The following SH3RF2 variants were observed in gnomAD, a reference collection of about 807,000 sequenced individuals.
SH3RF2 encodes the protein SH3 domain containing ring finger 2, also known as E3 ubiquitin-protein ligase SH3RF2.
SH3RF2 carries 43 observed loss-of-function variants against 59.0 expected under a neutral mutation model. That is an observed-to-expected ratio of 0.73 (90% CI 0.57 to 0.94). The LOEUF (loss-of-function observed/expected upper bound fraction) is 0.94, where lower values mean the gene tolerates loss of function less well. SH3RF2 is among the 40% of genes least tolerant of loss of function. The pLI, the probability that SH3RF2 is intolerant of heterozygous loss-of-function variation, is 0.00. For synonymous variants in SH3RF2, 391 were observed against 391.5 expected, an observed-to-expected ratio of 1.00 and a Z score of 0.01; for missense variants, 930 against 940.1, an observed-to-expected ratio of 0.99 and a Z score of 0.14.
downstream of SH3RF2, among the ~76,000 whole-genome samples, chr5:146,064,784 G>A (rs1383013111): frequency 2.0e-3 from 77 of 37,680 alleles, 5 homozygotes; most frequent in African/African-American, 8.4e-3. Context: ...GGAAAGGAAG[G>A]AAGGAAGGAA....
intron 2 of SH3RF2, among the ~76,000 whole-genome samples, chr5:145,976,443 GAA>G (rs113776416): frequency 1.4e-5 from 2 of 138,608 alleles, no homozygotes; most frequent in Admixed American, 7.2e-5. Flanking sequence ...AATTAAGAAG[GAA>G]AAAAAAAAAA....
At chr5:146,047,703 C>A in intron 5 of SH3RF2, 69 bp from the exon 6 acceptor site, 1 of 1,448,978 alleles carries the variant, frequency 6.9e-7, no homozygotes, top group Non-Finnish European at 9.6e-7. Context: ...TACGTAGCTG[C>A]TCTGTTTGCT....
chr5:146,063,859 A>AAAAAAAG (rs1407073407), downstream of SH3RF2, among the ~76,000 whole-genome samples: 2 of 151,080 alleles, frequency 1.3e-5, no homozygotes, highest in Admixed American at 6.6e-5. Context: ...GATTCTGTCT[A>AAAAAAAG]AAAAAAGAAA....
intron 9 of SH3RF2, among the ~76,000 whole-genome samples, chr5:146,070,567 G>A (rs1561776248): frequency 6.6e-6 from 1 of 152,142 alleles, no homozygotes; most frequent in Non-Finnish European, 1.5e-5. Context: ...GCATTCCCCA[G>A]GTCACTCTCT....
intron 2 of SH3RF2, among the ~76,000 whole-genome samples, chr5:145,972,688 C>T (rs1759134911): frequency 1.3e-5 from 2 of 152,184 alleles, no homozygotes; most frequent in Non-Finnish European, 2.9e-5. Flanking sequence ...GAGGTGATTG[C>T]TCCTTTATCC....
intron 5 of SH3RF2, among the ~76,000 whole-genome samples, chr5:146,034,254 C>G (rs73793811): frequency 0.017 from 2,598 of 152,296 alleles, 71 homozygotes; most frequent in African/African-American, 0.057. Flanking sequence ...GCATTAATTG[C>G]CCAAACAGCC....
intron 5 of SH3RF2, among the ~76,000 whole-genome samples, chr5:146,047,079 A>G (rs1762330252): frequency 6.6e-6 from 1 of 152,002 alleles, no homozygotes; most frequent in Admixed American, 6.6e-5. Context: ...TTATCATTTT[A>G]TCATTATTGT....
intron 3 of SH3RF2, among the ~76,000 whole-genome samples, chr5:146,001,232 T>C (rs1760395355): frequency 6.6e-6 from 1 of 152,248 alleles, no homozygotes; most frequent in Non-Finnish European, 1.5e-5. Flanking sequence ...CCATAAACAT[T>C]CACATCTCTC....
chr5:146,040,937 T>C (rs1762102464), intron 5 of SH3RF2, among the ~76,000 whole-genome samples: 1 of 152,202 alleles, frequency 6.6e-6, no homozygotes, highest in African/African-American at 2.4e-5. Context: ...CCTGCAGACC[T>C]ATTCCATATT....
intron 5 of SH3RF2, among the ~76,000 whole-genome samples, chr5:146,023,986 C>T (rs1761432031): frequency 6.6e-6 from 1 of 152,152 alleles, no homozygotes; most frequent in Admixed American, 6.5e-5. Flanking sequence ...GAATATACCA[C>T]ATTTTGTTTA....
At chr5:146,047,497 G>T (rs554567364) in intron 5 of SH3RF2, among the ~76,000 whole-genome samples, 1 of 152,058 alleles carries the variant, frequency 6.6e-6, no homozygotes, top group Non-Finnish European at 1.5e-5. Flanking sequence ...GTGCCCTGTG[G>T]ACTGTAAATT....
chr5:146,074,725 C>T (rs1453948300), intron 9 of SH3RF2, among the ~76,000 whole-genome samples: 1 of 152,074 alleles, frequency 6.6e-6, no homozygotes, highest in Non-Finnish European at 1.5e-5. Context: ...TCAGAAAATA[C>T]TTATTACTAG....
intron 3 of SH3RF2, among the ~76,000 whole-genome samples, chr5:146,002,513 G>GAAGGAAGA (rs1760464478): frequency 4.0e-5 from 6 of 150,630 alleles, no homozygotes; most frequent in African/African-American, 1.5e-4. Context: ...AGGAAGGAAG[G>GAAGGAAGA]AAGGAAGGAA....
intron 5 of SH3RF2, among the ~76,000 whole-genome samples, chr5:146,025,968 C>G (rs1375748190): frequency 6.6e-6 from 1 of 152,224 alleles, no homozygotes; most frequent in Non-Finnish European, 1.5e-5. Context: ...ATTACCTTCC[C>G]CCTCTTTCCT....
intron 6 of SH3RF2, 136 bp downstream of exon 6, chr5:146,047,999 C>A: frequency 1.2e-6 from 1 of 810,186 alleles, no homozygotes; most frequent in Non-Finnish European, 2.0e-6. Flanking sequence ...TTACCACTTC[C>A]AAGTGAAATA....
downstream of SH3RF2, among the ~76,000 whole-genome samples, chr5:146,064,662 AAG>A (rs369622553): frequency 0.069 from 347 of 5,020 alleles, 24 homozygotes; most frequent in East Asian, 0.19. Context: ...GAGAGAGAGA[AAG>A]AGAAAGAAAG....
chr5:146,004,452 G>T (rs990711350), intron 4 of SH3RF2, among the ~76,000 whole-genome samples: 21 of 152,234 alleles, frequency 1.4e-4, no homozygotes, highest in Middle Eastern at 3.4e-3. Flanking sequence ...GTCCATCTGG[G>T]AGTTTATTGT....
chr5:145,937,774 T>C, intron 1 of SH3RF2, 49 bp from the exon 2 acceptor site: 1 of 842,468 alleles, frequency 1.2e-6, no homozygotes, highest in African/African-American at 1.7e-5. Flanking sequence ...GGGATATACC[T>C]CTCGGAGCAG....
At chr5:145,963,965 T>G (rs746281471) in intron 2 of SH3RF2, among the ~76,000 whole-genome samples, 34 of 151,998 alleles carry the variant, frequency 2.2e-4, no homozygotes, top group Admixed American at 1.5e-3. Context: ...CCCCAGTAGT[T>G]GGGACTACAG....
Sources: gnomAD v4.1 joint callset for allele counts (sites outside exome capture counted in the v4.1 genomes callset) on GRCh38, gnomAD v4.1.1 for gene constraint, MANE v1.5 for transcripts, NCBI Gene and HGNC (gene_info 2026-07-23, HGNC 2026-07-21) for gene names.